The following EPB41L4A variants were observed in gnomAD, a reference collection of about 807,000 sequenced individuals.
The protein encoded by EPB41L4A is band 4.1-like protein 4A.
Under a neutral mutation model 108.6 loss-of-function variants are expected in EPB41L4A, and 100 were observed. The observed-to-expected ratio is 0.92, with a 90% CI of 0.78 to 1.09. The LOEUF (loss-of-function observed/expected upper bound fraction) is 1.09. Ranked by LOEUF, EPB41L4A falls within the 50% of genes least tolerant of loss-of-function variation. The pLI, the probability that EPB41L4A is intolerant of heterozygous loss-of-function variation, is 0.00. For missense variants in EPB41L4A, 1,030 were observed against 842.7 expected, an observed-to-expected ratio of 1.22 and a Z score of -2.75; for synonymous variants, 319 against 289.0, an observed-to-expected ratio of 1.10 and a Z score of -1.05.
At chr5:112,257,011 CT>C (rs1751145545) in intron 9 of EPB41L4A, 1 of 152,178 alleles carries the variant, frequency 6.6e-6, no homozygotes, top group African/African-American at 2.4e-5. Flanking sequence ...AATGACCATA[CT>C]AAGTCTTTCT....
intron 13 of EPB41L4A, among the ~76,000 whole-genome samples, chr5:112,209,143 T>A (rs1762608365): frequency 6.6e-6 from 1 of 152,226 alleles, no homozygotes; most frequent in African/African-American, 2.4e-5. Context: ...GTAGATGATC[T>A]AAGAAGTCTT....
chr5:112,234,679 G>C lies in EPB41L4A; in HGVS notation c.1042C>G (p.Arg348Gly). ...PRPDQNVTRSRSKTYPKRIAQ... is the reference protein window; with the variant it reads ...PRPDQNVTRSGSKTYPKRIAQ... The stretch of plus-strand genomic sequence containing the variant: ...ATTCGCTTAGGGTAAGTCTTGCTTC[G>C]ACTTCTTGTCACATTCTGATCAGGC... Residue 348 changes from arginine (R) to glycine (G), a missense_variant, in exon 12 of 23, where the codon CGA becomes GGA. Transcript: ENST00000261486. 6.2e-7 allele frequency: 1 copy of C among 1,613,612 alleles called. No homozygotes were observed. Among genetic ancestry groups the C allele is most frequent in the Non-Finnish European group, 8.5e-7 (1 of 1,179,698 alleles).
chr5:112,228,802 A>G (rs1391284583), intron 12 of EPB41L4A: 7 of 944,722 alleles, frequency 7.4e-6, no homozygotes, highest in Non-Finnish European at 8.8e-6. Flanking sequence ...AGCTCCTCTG[A>G]GGCAGTTTAG....
chr5:112,411,789 G>A (rs1240844720), intron 1 of EPB41L4A, among the ~76,000 whole-genome samples: 11 of 152,226 alleles, frequency 7.2e-5, no homozygotes, highest in African/African-American at 2.4e-4. Flanking sequence ...AACTAAGTCA[G>A]GAGCAGCGAG....
chr5:112,260,027 C>G (rs554450694), intron 7 of EPB41L4A, 48 bp from the exon 8 acceptor site: 3 of 1,285,964 alleles, frequency 2.3e-6, no homozygotes, highest in South Asian at 2.4e-5. Flanking sequence ...CATAAAATCT[C>G]TTTGTCAAAC....
intron 2 of EPB41L4A, among the ~76,000 whole-genome samples, chr5:112,282,942 G>T (rs1313584862): frequency 6.6e-6 from 1 of 151,644 alleles, no homozygotes; most frequent in Non-Finnish European, 1.5e-5. Flanking sequence ...CTTGTCTCCA[G>T]AATGCTTTTC....
chr5:112,294,212 A>T (rs1271617469), intron 2 of EPB41L4A, among the ~76,000 whole-genome samples: 2 of 152,212 alleles, frequency 1.3e-5, no homozygotes, highest in South Asian at 2.1e-4. Flanking sequence ...TTTTTTTTTA[A>T]ATGTAAGTTA....
chr5:112,356,543 G>A (rs1758371372), intron 1 of EPB41L4A, among the ~76,000 whole-genome samples: 1 of 152,154 alleles, frequency 6.6e-6, no homozygotes, highest in South Asian at 2.1e-4. Context: ...TTAATAATAT[G>A]CAAGAAACAT....
At chr5:112,151,234 G>T (rs954463408) in intron 12 of EPB41L4A, among the ~76,000 whole-genome samples, 1 of 151,552 alleles carries the variant, frequency 6.6e-6, no homozygotes, top group South Asian at 2.1e-4. Flanking sequence ...ACTATAAATC[G>T]ATAAGAATGT....
rs186146153 is a variant in EPB41L4A, at chr5:112,343,922, G to A, written c.100-36432C>T. Among the ~76,000 whole-genome samples the A allele has an allele frequency of 2.9e-3, 438 of 152,230 alleles. 2 individuals carry two copies. The highest frequency in any genetic ancestry group is 0.01 in the Middle Eastern group (3 of 294). On this transcript the variant is annotated intron_variant, in intron 1 of 22. Coordinates refer to ENST00000261486, the MANE Select transcript of EPB41L4A (RefSeq NM_022140.5). ...ATTGACTGGATAAGCCAGGTATGGC[G>A]GAATGCACCTGAAGTCTCATATACT... is the stretch of plus-strand genomic sequence containing the variant.
At chr5:112,220,999 C>T (rs764475696) in intron 12 of EPB41L4A, among the ~76,000 whole-genome samples, 4 of 152,160 alleles carry the variant, frequency 2.6e-5, no homozygotes, top group African/African-American at 9.7e-5. Context: ...TTCTTTGGGT[C>T]TTCATTTCTA....
At chr5:112,336,191 G>C (rs2150680945) in intron 1 of EPB41L4A, among the ~76,000 whole-genome samples, 1 of 152,340 alleles carries the variant, frequency 6.6e-6, no homozygotes, top group African/African-American at 2.4e-5. Flanking sequence ...TCAAGGAGCA[G>C]TGGCAAATCC....
rs1259837552 is a variant in EPB41L4A, at chr5:112,419,224, A to C, written c.-185T>G. 6.3e-6 allele frequency: 3 copies of C among 474,830 alleles called. No homozygotes were observed. Among genetic ancestry groups the C allele is most frequent in the Non-Finnish European group, 1.1e-5 (3 of 267,828 alleles). 29.4% of individuals were successfully genotyped at this position (474,830 alleles called of 1,614,324 possible). Reference sequence around the variant, plus strand: ...GGCGGGGCGGGAGCGAGAAAGGCGGAAAAGCCCGGGAGAGTCAGCGCCCGG... The same window carrying C: ...GGCGGGGCGGGAGCGAGAAAGGCGGCAAAGCCCGGGAGAGTCAGCGCCCGG... On this transcript the variant is annotated 5_prime_UTR_variant, in exon 1 of 23. Transcript: ENST00000261486.
chr5:112,229,694 G>A (rs893675685), intron 12 of EPB41L4A, among the ~76,000 whole-genome samples: 1 of 152,108 alleles, frequency 6.6e-6, no homozygotes, highest in Non-Finnish European at 1.5e-5. Context: ...TTCACTTAGA[G>A]TAACGGTCTC....
intron 3 of EPB41L4A, 134 bp downstream of exon 3, chr5:112,280,138 C>A: frequency 2.6e-6 from 2 of 760,982 alleles, no homozygotes; most frequent in Non-Finnish European, 4.7e-6. Context: ...TACACACATT[C>A]CCATATTCTG....
intron 2 of EPB41L4A, among the ~76,000 whole-genome samples, chr5:112,281,994 CTAAAAACTAAAAA>C (rs1414809075): frequency 3.9e-4 from 60 of 152,102 alleles, no homozygotes; most frequent in African/African-American, 1.4e-3. Context: ...AGTGTAGCAA[CTAAAAACTAAAAA>C]TAAAAACTAA....
chr5:112,328,391 T>A (rs1362572552), intron 1 of EPB41L4A, among the ~76,000 whole-genome samples: 1 of 90,710 alleles, frequency 1.1e-5, no homozygotes, highest in Non-Finnish European at 2.0e-5. Flanking sequence ...AAAGAAAGAT[T>A]ATTACAAATA....
chr5:112,398,140 T>C (rs1761489348), intron 1 of EPB41L4A, among the ~76,000 whole-genome samples: 2 of 152,208 alleles, frequency 1.3e-5, no homozygotes, highest in Admixed American at 6.5e-5. Context: ...GCTTTCGAGA[T>C]GGAAGGTAGT....
chr5:112,189,679 G>GA lies in EPB41L4A; in HGVS notation c.1502+4888dup, dbSNP rs568091004. Among the ~76,000 whole-genome samples, 421 of 151,974 alleles carry GA rather than the reference G, an allele frequency of 2.8e-3. 2 individuals carry two copies. Among genetic ancestry groups the GA allele is most frequent in the South Asian group, 0.013 (64 of 4,806 alleles). On this transcript the variant is annotated intron_variant, in intron 17 of 22. Transcript: ENST00000261486. ...AGTTATTTCTACTTTTATGCTGATGGAAAAAAACGCACCAGACTATCTCAT... is the reference window on the plus strand; with the variant it reads ...AGTTATTTCTACTTTTATGCTGATGGAAAAAAAACGCACCAGACTATCTCAT...
Sources: allele counts gnomAD v4.1 joint callset (sites outside exome capture counted in the v4.1 genomes callset), GRCh38; gene constraint gnomAD v4.1.1; transcripts MANE v1.5; gene names NCBI Gene and HGNC (gene_info 2026-07-23, HGNC 2026-07-21).